TMEM131: variants seen among roughly 807,000 people sequenced by gnomAD.
The protein encoded by TMEM131 is transmembrane protein 131, also known as 2610524E03Rik.
A neutral mutation model predicts 211.6 loss-of-function variants in TMEM131; 66 were observed. That is an observed-to-expected ratio of 0.31 (90% CI 0.26 to 0.38). The LOEUF (loss-of-function observed/expected upper bound fraction) is 0.38, where lower values mean the gene tolerates loss of function less well. TMEM131 is among the 10% of genes least tolerant of loss of function. The probability of loss-of-function intolerance (pLI) is 1.00; values close to 1 mark genes in which losing one functional copy is unlikely to be tolerated. For missense variants in TMEM131, 2,036 were observed against 2,299.3 expected (o/e 0.89, Z 2.34); for synonymous variants, 844 against 841.3 (o/e 1.00, Z -0.06).
intron 1 of TMEM131, among the ~76,000 whole-genome samples, chr2:97,972,131 C>T (rs974635582): frequency 1.3e-5 from 2 of 152,110 alleles, no homozygotes; most frequent in African/African-American, 4.8e-5. Context: ...TCCCTTGAAC[C>T]TGGGAGGTGA....
chr2:97,891,959 G>C (rs943223070), intron 3 of TMEM131, among the ~76,000 whole-genome samples: 4 of 152,110 alleles, frequency 2.6e-5, no homozygotes, highest in African/African-American at 9.7e-5. Context: ...AGGTGGGGAA[G>C]GAAGTGCCTT....
intron 5 of TMEM131, among the ~76,000 whole-genome samples, chr2:97,851,319 C>A (rs1427842105): frequency 1.3e-5 from 2 of 152,178 alleles, no homozygotes; most frequent in Non-Finnish European, 2.9e-5. Flanking sequence ...GTTCTACCCT[C>A]TGCCTTCTTC....
At chr2:97,803,704 C>G (rs1681148630) in intron 22 of TMEM131, among the ~76,000 whole-genome samples, 1 of 152,148 alleles carries the variant, frequency 6.6e-6, no homozygotes. Flanking sequence ...ACTGTGCACT[C>G]AAGATAGACA....
intron 26 of TMEM131, among the ~76,000 whole-genome samples, 181 bp downstream of exon 26, chr2:97,797,184 T>G (rs1369942626): frequency 6.6e-6 from 1 of 152,260 alleles, no homozygotes; most frequent in Admixed American, 6.5e-5. Context: ...ACACCATTCA[T>G]GTTTTTGAAC....
chr2:97,953,840 T>C (rs1037816397), intron 1 of TMEM131, among the ~76,000 whole-genome samples: 2 of 152,338 alleles, frequency 1.3e-5, no homozygotes, highest in Non-Finnish European at 1.5e-5. Flanking sequence ...TAAGTTCATA[T>C]GATTTCCAAT....
At chr2:97,884,353 C>T (rs1675054821) in intron 4 of TMEM131, among the ~76,000 whole-genome samples, 1 of 152,130 alleles carries the variant, frequency 6.6e-6, no homozygotes, top group African/African-American at 2.4e-5. Context: ...ACGATCAATC[C>T]TGAAGAATGC....
chr2:97,781,382 A>G (rs926713011), intron 31 of TMEM131, among the ~76,000 whole-genome samples: 3 of 152,234 alleles, frequency 2.0e-5, no homozygotes, highest in South Asian at 2.1e-4. Context: ...TCAATCCTTT[A>G]TAAGTAATTT....
intron 1 of TMEM131, among the ~76,000 whole-genome samples, chr2:97,957,853 T>G (rs1678642069): frequency 6.6e-6 from 1 of 152,172 alleles, no homozygotes; most frequent in African/African-American, 2.4e-5. Context: ...AAGATAACTT[T>G]TAACTAAAAG....
At chr2:97,881,003 CA>C (rs987912394) in intron 4 of TMEM131, among the ~76,000 whole-genome samples, 10 of 152,116 alleles carry the variant, frequency 6.6e-5, no homozygotes, top group African/African-American at 2.4e-4. Context: ...AAAGTGTCAC[CA>C]AACAAAAAGA....
At chr2:97,911,274 G>T (rs987059462) in intron 2 of TMEM131, among the ~76,000 whole-genome samples, 1 of 152,166 alleles carries the variant, frequency 6.6e-6, no homozygotes, top group African/African-American at 2.4e-5. Context: ...AAAGCAGACT[G>T]GTGGTTGCCT....
rs759122359 is a variant in TMEM131, at chr2:97,766,559, G to A, written c.4492C>T (p.Arg1498Cys). The A allele has an allele frequency of 7.4e-6, 12 of 1,613,928 alleles. No homozygotes were observed. Among genetic ancestry groups the A allele is most frequent in the East Asian group, 6.7e-5 (3 of 44,878 alleles). Residue 1498 changes from arginine (R) to cysteine (C), a missense_variant, in exon 34 of 41, where the codon CGT (arginine) becomes TGT (cysteine). Transcript: ENST00000186436. ...PYTPPLESKQ[R>C]RNLPSKIPLP... ...GGAATCTTGCTTGGGAGATTTCTAC[G>A]TTGCTTACTTTCCAAAGGGGGAGTA... is the stretch of plus-strand genomic sequence containing the variant.
chr2:97,944,583 T>G (rs956237252), intron 1 of TMEM131, among the ~76,000 whole-genome samples: 1 of 152,066 alleles, frequency 6.6e-6, no homozygotes, highest in South Asian at 2.1e-4. Context: ...AAGAGATACA[T>G]ACAGAGAATA....
intron 1 of TMEM131, among the ~76,000 whole-genome samples, chr2:97,951,089 T>C (rs2104531348): frequency 6.6e-6 from 1 of 152,254 alleles, no homozygotes; most frequent in East Asian, 1.9e-4. Flanking sequence ...AAGTCAACAG[T>C]TCACTGATGG....
chr2:97,965,289 T>A (rs143621474), intron 1 of TMEM131, among the ~76,000 whole-genome samples: 161 of 152,324 alleles, frequency 1.1e-3, no homozygotes, highest in African/African-American at 1.5e-3. Flanking sequence ...ATTAATTCTT[T>A]TCCTCATCGC....
At chr2:97,949,712 C>T (rs1678210238) in intron 1 of TMEM131, among the ~76,000 whole-genome samples, 1 of 143,962 alleles carries the variant, frequency 6.9e-6, no homozygotes, top group Admixed American at 7.2e-5. Context: ...CCCAGCTACT[C>T]GGGAGGGTGA....
intron 1 of TMEM131, among the ~76,000 whole-genome samples, chr2:97,983,640 C>T (rs1464956816): frequency 1.3e-5 from 2 of 152,176 alleles, no homozygotes; most frequent in Non-Finnish European, 2.9e-5. Flanking sequence ...TTGCTCTTTA[C>T]CCAATAAATA....
In TMEM131 at chr2:97,792,280, C is replaced by T; in HGVS notation, c.4144+106G>A. The T allele has an allele frequency of 7.7e-6, 7 of 911,644 alleles. No homozygotes were observed. The East Asian group carries it at 1.7e-4, about 22-fold the overall frequency. The allele number at this position is 911,644 out of a possible 1,614,324, so 56.5% of individuals were successfully genotyped here. ...TGGAGATAAATCTGAGCCAGAGGAACCTACTGAATTAGTTGTTTACCACAA... is the reference window on the plus strand; with the variant it reads ...TGGAGATAAATCTGAGCCAGAGGAATCTACTGAATTAGTTGTTTACCACAA... On this transcript the variant is annotated intron_variant, in intron 31 of 40. Transcript: ENST00000186436.
Position 97,859,295 on chromosome 2 carries a change from G to C in TMEM131, c.483+9C>G, listed in dbSNP as rs753824630. 63 of 1,588,896 alleles carry C rather than the reference G, an allele frequency of 4.0e-5. No homozygotes were observed. The highest frequency in any genetic ancestry group is 3.3e-4 in the Middle Eastern group (2 of 5,996). On this transcript the variant is annotated intron_variant, in intron 5 of 40. Coordinates refer to ENST00000186436, the MANE Select transcript of TMEM131 (RefSeq NM_015348.2). ...CTCAGGAAAGATCATGTATAGCAGA[G>C]AAACTTACCCTATTTTGAAAAAATG...
intron 4 of TMEM131, among the ~76,000 whole-genome samples, chr2:97,869,766 A>G: frequency 6.6e-6 from 1 of 152,312 alleles, no homozygotes; most frequent in East Asian, 1.9e-4. Flanking sequence ...TGGAAAGTAC[A>G]TGACCATTTG....
Sources: allele counts gnomAD v4.1 joint callset (sites outside exome capture counted in the v4.1 genomes callset), GRCh38; gene constraint gnomAD v4.1.1; transcripts MANE v1.5; gene names NCBI Gene and HGNC (gene_info 2026-07-23, HGNC 2026-07-21).